The following TSHZ3 variants were observed in gnomAD, a reference collection of about 807,000 sequenced individuals.
The protein encoded by TSHZ3 is teashirt zinc finger homeobox 3.
Under a neutral mutation model 64.5 loss-of-function variants are expected in TSHZ3, and 10 were observed. The observed-to-expected ratio is 0.16, with a 90% CI of 0.10 to 0.26. The LOEUF (loss-of-function observed/expected upper bound fraction) is 0.26, where lower values mean the gene tolerates loss of function less well. Among genes scored for constraint, TSHZ3 ranks in the 10% least tolerant of loss-of-function variants. The pLI, the probability that TSHZ3 is intolerant of heterozygous loss-of-function variation, is 1.00. For synonymous variants in TSHZ3, 608 were observed against 593.1 expected (o/e 1.03, Z -0.36); for missense variants, 1,242 against 1,421.7 (o/e 0.87, Z 2.03).
chr19:31,186,888 A>G (rs1271657700), intron 5 of TSHZ3, among the ~76,000 whole-genome samples: 2 of 151,864 alleles, frequency 1.3e-5, no homozygotes, highest in African/African-American at 2.4e-5. Flanking sequence ...CCTATTTTTA[A>G]TGGAGTTCTC....
Position 31,219,020 on chromosome 19 carries a change from A to G in TSHZ3, n.686+8985T>C, listed in dbSNP as rs1473125810. Among the ~76,000 whole-genome samples, 5 of 152,216 alleles carry G rather than the reference A, an allele frequency of 3.3e-5. No individual in the cohort carries two copies. The East Asian group carries it at 9.6e-4, about 29-fold the overall frequency. On this transcript the variant is annotated intron_variant and non_coding_transcript_variant, in intron 4 of 6. Transcript: ENST00000651361. ...ACTTGCAGAAGGAGATGCTTCAGGT[A>G]CATGTTTGTACCAGAGCATTAGTAA...
At chr19:31,216,784 G>A (rs1057235976) in intron 4 of TSHZ3, among the ~76,000 whole-genome samples, 3 of 151,978 alleles carry the variant, frequency 2.0e-5, no homozygotes, top group African/African-American at 4.8e-5. Flanking sequence ...ACAGGTGCCC[G>A]CCACCACGCC....
At position 31,279,626 on chromosome 19, in the gene TSHZ3, C is replaced by T. The variant is rs879197830; in HGVS notation, c.167G>A (p.Cys56Tyr). The T allele has an allele frequency of 4.3e-6, 7 of 1,611,542 alleles. No homozygotes were observed. Among genetic ancestry groups the T allele is most frequent in the Middle Eastern group, 1.6e-4 (1 of 6,074 alleles). ...MCPEKELARACPSYQNSPAAE... is the reference protein window; with the variant it reads ...MCPEKELARAYPSYQNSPAAE... ...GGCCGGGGAGTTCTGGTAGCTGGGG[C>T]AGGCCCTGGCGAGCTCCTTCTCCGG... Residue 56 changes from cysteine (C) to tyrosine (Y), a missense_variant, in exon 2 of 2, where the codon TGC (cysteine) becomes TAC (tyrosine). Cys to Tyr is a radical substitution (Grantham distance 194, BLOSUM62 -2). Coordinates refer to ENST00000240587, the MANE Select transcript of TSHZ3 (RefSeq NM_020856.4). The surrounding 1 kb of genome is among the most constrained non-coding windows in gnomAD (Gnocchi z 6.4).
At chr19:31,231,753 G>A (rs959852437) in intron 3 of TSHZ3, among the ~76,000 whole-genome samples, 10 of 152,090 alleles carry the variant, frequency 6.6e-5, no homozygotes, top group South Asian at 2.1e-4. Flanking sequence ...AACTCCAACC[G>A]GAGCTTACGG....
At chr19:31,205,751 C>G (rs1368995500) in intron 4 of TSHZ3, among the ~76,000 whole-genome samples, 1 of 152,216 alleles carries the variant, frequency 6.6e-6, no homozygotes, top group Non-Finnish European at 1.5e-5. Context: ...CCTCTCAGCT[C>G]CTTAGCACTT....
chr19:31,158,970 G>A (rs1019759430), intron 5 of TSHZ3, among the ~76,000 whole-genome samples: 10 of 152,122 alleles, frequency 6.6e-5, no homozygotes, highest in Admixed American at 3.3e-4. Context: ...CACCACTCTC[G>A]CTTTCTCTTA....
intron 1 of TSHZ3, among the ~76,000 whole-genome samples, chr19:31,336,284 A>AT (rs951800489): frequency 1.3e-5 from 2 of 152,032 alleles, no homozygotes; most frequent in African/African-American, 2.4e-5. Flanking sequence ...AACTATGACA[A>AT]TTTTTTTTGA....
At chr19:31,349,782 G>T (rs2021652930), upstream of TSHZ3, among the ~76,000 whole-genome samples, 2 of 147,972 alleles carry the variant, frequency 1.4e-5, no homozygotes, top group Non-Finnish European at 3.0e-5. Context: ...CGCCGCCGCG[G>T]CCCGGGGCTC....
chr19:31,215,720 A>T lies in TSHZ3; in HGVS notation n.687-10642T>A, dbSNP rs907445944. 7.2e-5 allele frequency among the ~76,000 whole-genome samples: 11 copies of T among 152,236 alleles called. 1 individual carries two copies. The highest frequency in any genetic ancestry group is 2.6e-4 in the African/African-American group (11 of 41,544). The stretch of plus-strand genomic sequence containing the variant: ...ACCCTGCCTCTATTACAAATAAAAA[A>T]ATTAGCCGGGCATAGTGGTGTGTGC... On this transcript the variant is annotated intron_variant and non_coding_transcript_variant, in intron 4 of 6. Coordinates refer to the TSHZ3 transcript ENST00000651361.
Position 31,275,367 on chromosome 19 carries a change from A to G in TSHZ3, c.*1180T>C, listed in dbSNP as rs949903513. The stretch of plus-strand genomic sequence containing the variant: ...ACAGAATGCCTCATGACTTTTAAGC[A>G]AAGTATTACAGTACAAACATTTTAA... On this transcript the variant is annotated 3_prime_UTR_variant, in exon 2 of 2. Coordinates refer to ENST00000240587, the MANE Select transcript of TSHZ3 (RefSeq NM_020856.4). The G allele has an allele frequency of 2.6e-5, 4 of 152,662 alleles. No individual in the cohort carries two copies. Among genetic ancestry groups the G allele is most frequent in the Non-Finnish European group, 5.9e-5 (4 of 68,038 alleles). 9.5% of individuals were successfully genotyped at this position (152,662 alleles called of 1,614,324 possible). A position where few individuals can be genotyped will look rare whatever the true frequency, so the allele number is the denominator to read the frequency against.
rs148840277 is a variant in TSHZ3, at chr19:31,209,383, G to A, written n.687-4305C>T. Among the ~76,000 whole-genome samples, 602 of 152,248 alleles carry A rather than the reference G, an allele frequency of 4.0e-3. 4 individuals carry two copies. Among genetic ancestry groups the A allele is most frequent in the African/African-American group, 0.013 (550 of 41,560 alleles). ...TCCCCTGCTAGGGAGACAGGACAGA[G>A]TAGTGATTAGGGGCACAGATCCAGG... On this transcript the variant is annotated intron_variant and non_coding_transcript_variant, in intron 4 of 6. Coordinates refer to the TSHZ3 transcript ENST00000651361.
At chr19:31,212,733 C>T (rs1376002588) in intron 4 of TSHZ3, among the ~76,000 whole-genome samples, 2 of 152,156 alleles carry the variant, frequency 1.3e-5, no homozygotes, top group African/African-American at 2.4e-5. Flanking sequence ...GCATACCATC[C>T]TGCAATCCCA....
chr19:31,169,204 G>A (rs1309998675), intron 5 of TSHZ3, among the ~76,000 whole-genome samples: 1 of 152,092 alleles, frequency 6.6e-6, no homozygotes, highest in African/African-American at 2.4e-5. Flanking sequence ...AAATAGTGCA[G>A]CCACTGTGGA....
chr19:31,219,242 A>G (rs1975369498), intron 4 of TSHZ3, among the ~76,000 whole-genome samples: 1 of 152,210 alleles, frequency 6.6e-6, no homozygotes, highest in Non-Finnish European at 1.5e-5. Context: ...TTCACTGCCT[A>G]TGGAGAGACA....
chr19:31,196,688 A>G (rs1974998550), intron 5 of TSHZ3, among the ~76,000 whole-genome samples: 1 of 151,998 alleles, frequency 6.6e-6, no homozygotes, highest in South Asian at 2.1e-4. Flanking sequence ...TTAATTTCAG[A>G]TAGAGCAAAT....
At chr19:31,205,770 A>G (rs1176832573) in intron 4 of TSHZ3, among the ~76,000 whole-genome samples, 1 of 152,148 alleles carries the variant, frequency 6.6e-6, no homozygotes, top group Non-Finnish European at 1.5e-5. Flanking sequence ...TTTGAATCCA[A>G]TCCTACTCTT....
chr19:31,306,237 G>A (rs780759018), intron 1 of TSHZ3, among the ~76,000 whole-genome samples: 43 of 152,282 alleles, frequency 2.8e-4, no homozygotes, highest in African/African-American at 8.2e-4. Context: ...CAGGTGACGC[G>A]GCGGGCTGGG....
chr19:31,160,454 G>A lies in TSHZ3; in HGVS notation n.810-4037C>T, dbSNP rs186374037. ...GGTATCTAACTCCCAGCCATAAAGC[G>A]AATTTCCCCTGGATACTCTGTCTTG... On this transcript the variant is annotated intron_variant and non_coding_transcript_variant, in intron 5 of 6. Coordinates refer to the TSHZ3 transcript ENST00000651361. 2.1e-3 allele frequency among the ~76,000 whole-genome samples: 315 copies of A among 152,248 alleles called. 5 individuals are homozygous for A. In the South Asian group the frequency reaches 0.04, roughly 19 times the overall value.
chr19:31,329,452 G>A (rs1259522672), intron 1 of TSHZ3, among the ~76,000 whole-genome samples: 2 of 152,202 alleles, frequency 1.3e-5, no homozygotes, highest in African/African-American at 2.4e-5. Context: ...GCACGCTCAA[G>A]TTTACTTGCA....
Sources: allele counts gnomAD v4.1 joint callset (sites outside exome capture counted in the v4.1 genomes callset), GRCh38; gene constraint gnomAD v4.1.1; non-coding constraint Gnocchi (gnomAD v3.1); transcripts MANE v1.5; gene names NCBI Gene and HGNC (gene_info 2026-07-23, HGNC 2026-07-21).